FAM53A: variants seen among roughly 807,000 people sequenced by gnomAD.
The protein encoded by FAM53A is protein FAM53A.
In FAM53A, 28 loss-of-function variants were observed where a neutral mutation model predicts 26.6. The observed-to-expected ratio is 1.05, with a 90% CI of 0.78 to 1.45. The LOEUF (loss-of-function observed/expected upper bound fraction) is 1.45, where lower values mean the gene tolerates loss of function less well. FAM53A is among the 40% of genes most tolerant of loss of function. FAM53A has a pLI of 0.00. For synonymous variants in FAM53A, 290 were observed against 253.1 expected (o/e 1.15, Z -1.38); for missense variants, 650 against 575.8 (o/e 1.13, Z -1.32).
chr4:1,623,475 C>T (rs947222612), intron 1 of FAM53A, among the ~76,000 whole-genome samples: 4 of 152,226 alleles, frequency 2.6e-5, no homozygotes, highest in African/African-American at 7.2e-5. Context: ...GCGCTTTCAC[C>T]GGATGGCCAC....
the FAM53A span, among the ~76,000 whole-genome samples, chr4:1,593,577 G>A: frequency 2.0e-5 from 3 of 152,188 alleles, no homozygotes; most frequent in South Asian, 2.1e-4. Flanking sequence ...CGGGATGAGG[G>A]ATGGCGTCAT....
the FAM53A span, among the ~76,000 whole-genome samples, chr4:1,595,271 G>A: frequency 1.5e-3 from 232 of 152,358 alleles, 1 homozygote; most frequent in African/African-American, 5.3e-3. Context: ...GCGGGCAGCA[G>A]GAGCCCCACC....
At chr4:1,637,930 C>T (rs1450257207), downstream of FAM53A, among the ~76,000 whole-genome samples, 2 of 149,432 alleles carry the variant, frequency 1.3e-5, no homozygotes, top group Non-Finnish European at 3.0e-5. Flanking sequence ...TCCACCTGTC[C>T]ACGGCTCTGG....
chr4:1,657,117 C>G (rs1054453131), intron 3 of FAM53A, among the ~76,000 whole-genome samples: 20 of 152,336 alleles, frequency 1.3e-4, no homozygotes, highest in African/African-American at 4.8e-4. Flanking sequence ...GTGGGCCTTG[C>G]ACCTTCCAGA....
chr4:1,586,325 C>G, the FAM53A span, among the ~76,000 whole-genome samples: 2 of 151,934 alleles, frequency 1.3e-5, no homozygotes, highest in Admixed American at 6.6e-5. Context: ...TCCCGAGTAT[C>G]TAGGAGTACA....
At chr4:1,609,799 C>A in the FAM53A span, among the ~76,000 whole-genome samples, 2 of 151,848 alleles carry the variant, frequency 1.3e-5, no homozygotes, top group Non-Finnish European at 2.9e-5. Flanking sequence ...CCCGTCTCTA[C>A]TAAAAATATA....
At chr4:1,589,989 A>G in the FAM53A span, among the ~76,000 whole-genome samples, 2 of 151,882 alleles carry the variant, frequency 1.3e-5, no homozygotes. Flanking sequence ...TTGCTCATTT[A>G]TTTTTGACTT....
the FAM53A span, among the ~76,000 whole-genome samples, chr4:1,610,737 G>A: frequency 6.6e-6 from 1 of 152,074 alleles, no homozygotes; most frequent in East Asian, 1.9e-4. Context: ...GCCAAGGCTG[G>A]AGGGGCACCT....
At chr4:1,600,014 C>T in the FAM53A span, among the ~76,000 whole-genome samples, 1 of 152,128 alleles carries the variant, frequency 6.6e-6, no homozygotes, top group African/African-American at 2.4e-5. Context: ...CCCACCTAGG[C>T]GAGGCCCCTC....
chr4:1,603,548 G>A, the FAM53A span, among the ~76,000 whole-genome samples: 3 of 152,116 alleles, frequency 2.0e-5, no homozygotes, highest in Non-Finnish European at 4.4e-5. Context: ...TCCCTCTGCC[G>A]ATGGTCCCAG....
the FAM53A span, among the ~76,000 whole-genome samples, chr4:1,601,994 G>A: frequency 6.7e-6 from 1 of 149,728 alleles, no homozygotes; most frequent in East Asian, 2.0e-4. Flanking sequence ...CAGTGGAGGT[G>A]GGCCGGGGGA....
At chr4:1,637,447 T>C (rs552394189), downstream of FAM53A, among the ~76,000 whole-genome samples, 3 of 152,016 alleles carry the variant, frequency 2.0e-5, no homozygotes, top group East Asian at 5.8e-4. Context: ...TGGGGGAGGA[T>C]GGAGACGTAT....
At chr4:1,593,804 G>A in the FAM53A span, among the ~76,000 whole-genome samples, 3 of 152,008 alleles carry the variant, frequency 2.0e-5, no homozygotes, top group Admixed American at 1.3e-4. Context: ...AGCAGAAGAC[G>A]CGCGCTCGGG....
chr4:1,655,870 G>T, intron 3 of FAM53A, 147 bp from the exon 4 acceptor site: 1 of 975,972 alleles, frequency 1.0e-6, no homozygotes, highest in Non-Finnish European at 1.4e-6. Context: ...AGATGTCCGT[G>T]GCGCACAGTG....
At chr4:1,632,149 G>A (rs897501847) in intron 1 of FAM53A, among the ~76,000 whole-genome samples, 1 of 134,530 alleles carries the variant, frequency 7.4e-6, no homozygotes, top group African/African-American at 2.9e-5. Flanking sequence ...GGGTGACACA[G>A]TAAGATTCCA....
At chr4:1,587,988 C>T in the FAM53A span, among the ~76,000 whole-genome samples, 1 of 152,114 alleles carries the variant, frequency 6.6e-6, no homozygotes, top group Non-Finnish European at 1.5e-5. Flanking sequence ...TTTCAATGTA[C>T]ATTTTAAAAT....
At chr4:1,652,276 C>T (rs1257732432) in intron 4 of FAM53A, among the ~76,000 whole-genome samples, 1 of 139,366 alleles carries the variant, frequency 7.2e-6, no homozygotes, top group South Asian at 2.4e-4. Context: ...CCGCATACAC[C>T]AGACACACAC....
the FAM53A span, among the ~76,000 whole-genome samples, chr4:1,608,035 C>A: frequency 6.6e-6 from 1 of 152,138 alleles, no homozygotes; most frequent in Admixed American, 6.5e-5. Flanking sequence ...TCACTTGAAC[C>A]CGGGAGGCGG....
At chr4:1,602,026 TGGTGGAGGTGGGCCGGGGGAGATGGGAC>T in the FAM53A span, among the ~76,000 whole-genome samples, 5 of 60,436 alleles carry the variant, frequency 8.3e-5, no homozygotes, top group East Asian at 1.7e-3. Flanking sequence ...GGAGGTGGGA[TGGTGGAGGTGGGCCGGGGGAGATGGGAC>T]GGTGGGTGTC....
Sources: gnomAD v4.1 joint callset for allele counts (sites outside exome capture counted in the v4.1 genomes callset) on GRCh38, gnomAD v4.1.1 for gene constraint, MANE v1.5 for transcripts, NCBI Gene and HGNC (gene_info 2026-07-23, HGNC 2026-07-21) for gene names.